Variants in RASAL1 observed in about 807,000 individuals in gnomAD.
RASAL1 encodes the protein RAS protein activator like 1, also known as rasGAP-activating-like protein 1.
Under a neutral mutation model 96.6 loss-of-function variants are expected in RASAL1, and 72 were observed. The observed-to-expected ratio is 0.75, with a 90% CI of 0.62 to 0.91. RASAL1 has a LOEUF of 0.91. RASAL1 is among the 40% of genes least tolerant of loss of function. The pLI, the probability that RASAL1 is intolerant of heterozygous loss-of-function variation, is 0.00. For missense variants in RASAL1, 1,016 were observed against 1,072.5 expected (o/e 0.95, Z 0.74); for synonymous variants, 405 against 430.4 (o/e 0.94, Z 0.73).
At chr12:113,131,071 C>T in intron 1 of RASAL1, 130 bp from the exon 2 acceptor site, 1 of 656,686 alleles carries the variant, frequency 1.5e-6, no homozygotes, top group South Asian at 1.9e-5. Flanking sequence ...GGTCACACAG[C>T]AAGTCCAGCT....
intron 13 of RASAL1, 40 bp from the exon 14 acceptor site, chr12:113,108,262 C>G: frequency 6.3e-7 from 1 of 1,584,246 alleles, no homozygotes; most frequent in Non-Finnish European, 8.6e-7. Context: ...CCCCCCAAAC[C>G]CACTTCTCAG....
rs765050302 is a variant in RASAL1 at position 113,104,087 on chromosome 12, G to A, written c.1969-6C>T. The stretch of plus-strand genomic sequence containing the variant: ...TGGTTGAGCTCATTCACATTCTGCA[G>A]CGGGTGGGAGGCGATCAGGGGGCGG... On this transcript the variant is annotated splice_region_variant and splice_polypyrimidine_tract_variant and intron_variant, in intron 17 of 20. Coordinates refer to ENST00000548055, the MANE Select transcript of RASAL1 (RefSeq NM_001301202.2). The A allele has an allele frequency of 6.4e-7, 1 of 1,573,214 alleles. No individual in the cohort carries two copies. Among genetic ancestry groups the A allele is most frequent in the South Asian group, 1.2e-5 (1 of 86,148 alleles).
At chr12:113,101,198 T>C (rs1950430211) in intron 19 of RASAL1, among the ~76,000 whole-genome samples, 1 of 152,166 alleles carries the variant, frequency 6.6e-6, no homozygotes, top group Non-Finnish European at 1.5e-5. Context: ...GGTGGATCAC[T>C]TGAAGTCAGG....
chr12:113,104,125 GGACGC>G, intron 17 of RASAL1, 31 bp downstream of exon 17: 1 of 1,589,234 alleles, frequency 6.3e-7, no homozygotes, highest in East Asian at 2.3e-5. Context: ...GGGAACAGAG[GGACGC>G]CCCCCGCTCC....
chr12:113,112,592 C>T (rs1422360896), intron 12 of RASAL1, among the ~76,000 whole-genome samples: 2 of 152,164 alleles, frequency 1.3e-5, no homozygotes, highest in East Asian at 1.9e-4. Context: ...TGCCCCTGTC[C>T]TCACCCTCTG....
chr12:113,112,244 G>A lies in RASAL1; in HGVS notation c.1216C>T (p.Gln406Ter), dbSNP rs1464610557. 3.2e-6 allele frequency: 4 copies of A among 1,266,088 alleles called. No homozygotes were observed. In the East Asian group the frequency reaches 1.2e-4, roughly 39 times the overall value. 78.4% of individuals were successfully genotyped at this position (1,266,088 alleles called of 1,614,324 possible). The change falls in exon 13 of 21, where the codon CAG becomes TAG. Residue 406 changes from glutamine (Q) to a stop codon, truncating the protein, a stop_gained. Coordinates refer to ENST00000548055, the MANE Select transcript of RASAL1 (RefSeq NM_001301202.2). LOFTEE classifies it high-confidence loss of function. ...AGCCCCAGGCTGGTCTCCCGCATCTGCTCCTCCGAGAGTGCGCCTTTGAAG... is the reference window on the plus strand; with the variant it reads ...AGCCCCAGGCTGGTCTCCCGCATCTACTCCTCCGAGAGTGCGCCTTTGAAG... ...ISFKGALSEE[Q>*]MRETSLGLLT...
At chr12:113,111,986 C>A in intron 13 of RASAL1, 100 bp downstream of exon 13, 1 of 1,063,366 alleles carries the variant, frequency 9.4e-7, no homozygotes. Context: ...GCTCTAGTGC[C>A]GGCAGCCTAG....
At chr12:113,121,120 C>T (rs1015815854) in intron 5 of RASAL1, among the ~76,000 whole-genome samples, 3 of 152,320 alleles carry the variant, frequency 2.0e-5, no homozygotes, top group Admixed American at 6.5e-5. Context: ...AGACAGATTC[C>T]TAATGGCATC....
chr12:113,101,637 T>C (rs1374392552), intron 19 of RASAL1, among the ~76,000 whole-genome samples: 1 of 152,084 alleles, frequency 6.6e-6, no homozygotes, highest in Non-Finnish European at 1.5e-5. Flanking sequence ...TTTATGTGAA[T>C]TGTGCCAGGG....
At chr12:113,123,200 T>A (rs958399807) in intron 4 of RASAL1, among the ~76,000 whole-genome samples, 7 of 152,222 alleles carry the variant, frequency 4.6e-5, no homozygotes, top group African/African-American at 1.7e-4. Flanking sequence ...TTTTTAAAAA[T>A]CCCGTATATT....
At chr12:113,104,810 A>G (rs1168806615) in intron 16 of RASAL1, among the ~76,000 whole-genome samples, 1 of 152,164 alleles carries the variant, frequency 6.6e-6, no homozygotes, top group Non-Finnish European at 1.5e-5. Flanking sequence ...CCACCTCTCT[A>G]AGTGACAACT....
intron 14 of RASAL1, chr12:113,107,487 G>T (rs1488560015): frequency 1.5e-5 from 9 of 597,680 alleles, no homozygotes; most frequent in Non-Finnish European, 1.9e-5. Context: ...GCTGGTCGTG[G>T]TGGCTCACGC....
intron 18 of RASAL1, chr12:113,103,209 A>T (rs1317798987): frequency 1.3e-5 from 2 of 149,080 alleles, no homozygotes; most frequent in East Asian, 1.9e-4. Flanking sequence ...TATATATATT[A>T]TATATTATTT....
chr12:113,135,435 G>A lies in RASAL1; in HGVS notation c.28C>T (p.Arg10Cys). The A allele has an allele frequency of 6.2e-7, 1 of 1,610,046 alleles. No individual in the cohort carries two copies. Among genetic ancestry groups the A allele is most frequent in the Non-Finnish European group, 8.5e-7 (1 of 1,178,730 alleles). The stretch of plus-strand genomic sequence containing the variant: ...GGCAGCGCGCGGCCCTCCACCACGC[G>A]AACATTCAGGGAGCTGCTCTTGGCC... MAKSSSLNV[R>C]VVEGRALPAK... Residue 10 changes from arginine to cysteine, a missense_variant, in exon 1 of 21, where the codon CGC (arginine) becomes TGC (cysteine). Physicochemically the swap from Arg to Cys is radical, Grantham distance 180. Transcript: ENST00000548055. The surrounding 1 kb of genome is among the most constrained non-coding windows in gnomAD (Gnocchi z 5.7).
rs745634475 is a variant in RASAL1 at position 113,099,977 on chromosome 12, G to C, written c.2370C>G (p.Phe790Leu). Residue 790 changes from phenylalanine to leucine, a missense_variant, in exon 21 of 21, where the codon TTC becomes TTG. Coordinates refer to ENST00000548055, the MANE Select transcript of RASAL1 (RefSeq NM_001301202.2). Reference sequence around the variant, plus strand: ...CCGCCTTCCCTCGCTCCTGCTGCTGGAACTCCTCGTGGGCACGATCCAGGT... The same window carrying C: ...CCGCCTTCCCTCGCTCCTGCTGCTGCAACTCCTCGTGGGCACGATCCAGGT... ...LADLDRAHEE[F>L]QQQERGKAAL... 3.1e-6 allele frequency: 5 copies of C among 1,613,652 alleles called. No homozygotes were observed. In the African/African-American group the frequency reaches 5.3e-5, roughly 17 times the overall value.
At position 113,130,487 on chromosome 12, in the gene RASAL1, GCAGGCCC is replaced by G. The variant is rs1268739292; in HGVS notation, c.122+391_122+397del. On this transcript the variant is annotated intron_variant, in intron 2 of 20. Transcript: ENST00000548055. This position sits in a 1 kb window ranked among gnomAD's most constrained non-coding sequence, Gnocchi z 5.1. ...ATCCCCCACCCCCTGCAACTCACAAGCAGGCCCAGCTGGGCGGGTGCACACACAGACA... is the reference window on the plus strand; with the variant it reads ...ATCCCCCACCCCCTGCAACTCACAAGAGCTGGGCGGGTGCACACACAGACA... 1.3e-5 allele frequency among the ~76,000 whole-genome samples: 2 copies of G among 152,060 alleles called. No individual in the cohort carries two copies. Among genetic ancestry groups the G allele is most frequent in the East Asian group, 3.9e-4 (2 of 5,164 alleles).
intron 12 of RASAL1, 31 bp downstream of exon 12, chr12:113,114,769 C>A (rs568297442): frequency 1.3e-6 from 2 of 1,584,752 alleles, no homozygotes; most frequent in African/African-American, 2.7e-5. Flanking sequence ...AGGGGCCCGT[C>A]GGAAGGTCAG....
chr12:113,127,429 T>C (rs956702619), intron 4 of RASAL1, among the ~76,000 whole-genome samples: 1 of 152,122 alleles, frequency 6.6e-6, no homozygotes, highest in East Asian at 1.9e-4. Context: ...GAGGATTGCT[T>C]GAGCCCAGGA....
At chr12:113,106,986 C>T in intron 15 of RASAL1, 111 bp downstream of exon 15, 1 of 1,228,508 alleles carries the variant, frequency 8.1e-7, no homozygotes, top group Non-Finnish European at 1.1e-6. Context: ...GTTGACTGAC[C>T]CACAGATTCA....
Sources: gnomAD v4.1 joint callset for allele counts (sites outside exome capture counted in the v4.1 genomes callset) on GRCh38, gnomAD v4.1.1 for gene constraint, Gnocchi (gnomAD v3.1) non-coding constraint, MANE v1.5 for transcripts, NCBI Gene and HGNC (gene_info 2026-07-23, HGNC 2026-07-21) for gene names.